Variants in NUP98 observed in about 807,000 individuals in gnomAD.
The protein encoded by NUP98 is nuclear pore complex protein Nup98-Nup96.
A neutral mutation model predicts 191.9 loss-of-function variants in NUP98; 26 were observed. The ratio of observed to expected loss-of-function variants is 0.14; its 90% confidence interval spans 0.10 to 0.19. The LOEUF (loss-of-function observed/expected upper bound fraction) is 0.19, where lower values mean the gene tolerates loss of function less well. Ranked by LOEUF, NUP98 falls within the 10% of genes least tolerant of loss-of-function variation. NUP98 has a pLI of 1.00. For missense variants in NUP98, 1,941 were observed against 2,178.8 expected (o/e 0.89, Z 2.17); for synonymous variants, 808 against 778.4 (o/e 1.04, Z -0.63).
Position 3,702,759 on chromosome 11 carries a change from T to G in NUP98, c.3216A>C (p.Pro1072=), listed in dbSNP as rs775462805. The G allele has an allele frequency of 1.2e-6, 2 of 1,613,772 alleles. No individual in the cohort carries two copies. The highest frequency in any genetic ancestry group is 2.2e-5 in the South Asian group (2 of 91,054). The change falls in exon 23 of 33, where the codon CCA becomes CCC. Residue 1072 remains proline, a synonymous_variant. Transcript: ENST00000324932. Reference sequence around the variant, plus strand: ...GCATTGTGAACACAGAAGTCAGGGGTGGAGGGACAGACCAAGAGGATGTGG... The same window carrying G: ...GCATTGTGAACACAGAAGTCAGGGGGGGAGGGACAGACCAAGAGGATGTGG... The part of the protein sequence containing the change: ...IPSTSSWSVP[P]PLTSVFTMPS...
Position 3,702,520 on chromosome 11 carries a change from T to C in NUP98, c.3455A>G (p.His1152Arg). 1 of 1,614,084 alleles carries C rather than the reference T, an allele frequency of 6.2e-7. No homozygotes were observed. The highest frequency in any genetic ancestry group is 8.5e-7 in the Non-Finnish European group (1 of 1,180,010). Residue 1152 changes from histidine (H) to arginine (R), a missense_variant, in exon 23 of 33, where the codon CAT (histidine) becomes CGT (arginine). Transcript: ENST00000324932. Reference sequence around the variant, plus strand: ...AAACTCCATGGAATCGGCAATCTGATGATTTTCTAGTTCATGAGAGCCATT... The same window carrying C: ...AAACTCCATGGAATCGGCAATCTGACGATTTTCTAGTTCATGAGAGCCATT... ...QLNGSHELENHQIADSMEFGF... is the reference protein window; with the variant it reads ...QLNGSHELENRQIADSMEFGF...
chr11:3,791,338 G>A (rs553825452), intron 1 of NUP98, among the ~76,000 whole-genome samples: 30 of 151,210 alleles, frequency 2.0e-4, no homozygotes, highest in African/African-American at 4.6e-4. Flanking sequence ...TTCAAAACCA[G>A]CCTGGCCAAC....
At chr11:3,683,615 G>A (rs1221056582) in intron 29 of NUP98, among the ~76,000 whole-genome samples, 174 bp from the exon 30 acceptor site, 6 of 151,740 alleles carry the variant, frequency 4.0e-5, no homozygotes, top group South Asian at 2.1e-4. Flanking sequence ...CTTGGCTCAC[G>A]GCAAATTCCA....
chr11:3,695,343 G>C (rs1026856539), intron 26 of NUP98, 106 bp downstream of exon 26: 80 of 1,027,066 alleles, frequency 7.8e-5, no homozygotes, highest in Non-Finnish European at 9.0e-5. Flanking sequence ...AAAACATTTT[G>C]TGTAACTGTG....
Position 3,779,150 on chromosome 11 carries a change from C to T in NUP98, c.178+6G>A, listed in dbSNP as rs1489780880. 5 of 1,613,622 alleles carry T rather than the reference C, an allele frequency of 3.1e-6. No individual in the cohort carries two copies. In the Admixed American group the frequency reaches 6.7e-5, roughly 22 times the overall value. ...AAACCAGTTATATCACAAATAAAGCCCCTACCTGGTTTAGTCTGTGAATTT... is the reference window on the plus strand; with the variant it reads ...AAACCAGTTATATCACAAATAAAGCTCCTACCTGGTTTAGTCTGTGAATTT... On this transcript the variant is annotated splice_donor_region_variant and intron_variant, in intron 3 of 32. Coordinates refer to ENST00000324932, the MANE Select transcript of NUP98 (RefSeq NM_016320.5).
intron 13 of NUP98, among the ~76,000 whole-genome samples, chr11:3,732,924 TC>T (rs2079898961): frequency 6.6e-6 from 1 of 152,208 alleles, no homozygotes; most frequent in African/African-American, 2.4e-5. Flanking sequence ...TGACCTAGAC[TC>T]GCCAAGCCCT....
chr11:3,769,679 C>T (rs976232379), intron 7 of NUP98, among the ~76,000 whole-genome samples: 7 of 151,428 alleles, frequency 4.6e-5, no homozygotes, highest in African/African-American at 1.2e-4. Flanking sequence ...GAGGCTGAGA[C>T]GGGTGATCAC....
chr11:3,742,625 G>A (rs1202427759), intron 12 of NUP98, among the ~76,000 whole-genome samples: 1 of 151,078 alleles, frequency 6.6e-6, no homozygotes, highest in Non-Finnish European at 1.5e-5. Flanking sequence ...CTTGAACCTG[G>A]GAGGCAGAGG....
intron 12 of NUP98, among the ~76,000 whole-genome samples, chr11:3,740,952 G>A (rs950337536): frequency 1.3e-5 from 2 of 151,838 alleles, no homozygotes; most frequent in African/African-American, 4.8e-5. Context: ...CAGAGTAGCT[G>A]GGATTACAGG....
rs969302642 is a variant in NUP98, at chr11:3,697,733, T to C, written c.4009+1349A>G. Among the ~76,000 whole-genome samples the C allele has an allele frequency of 2.7e-5, 4 of 148,272 alleles. No individual in the cohort carries two copies. In the Admixed American group the frequency reaches 2.7e-4, roughly 10 times the overall value. On this transcript the variant is annotated intron_variant, in intron 25 of 32. Transcript: ENST00000324932. ...CAGGAGGCTGAGGCAGGAGAATCGC[T>C]TGAACCCAGGAAGTAAAGGTTGCAG...
At chr11:3,692,860 A>G (rs2078362896) in intron 27 of NUP98, among the ~76,000 whole-genome samples, 1 of 152,238 alleles carries the variant, frequency 6.6e-6, no homozygotes, top group Non-Finnish European at 1.5e-5. Flanking sequence ...TGATGGCATA[A>G]AAGTAACAAT....
intron 4 of NUP98, 83 bp from the exon 5 acceptor site, chr11:3,776,104 T>A: frequency 2.0e-6 from 2 of 996,500 alleles, no homozygotes; most frequent in Non-Finnish European, 3.1e-6. Context: ...GCTATGGCAC[T>A]AGCATCACAG....
chr11:3,733,369 T>A (rs2079918232), intron 13 of NUP98, among the ~76,000 whole-genome samples: 1 of 152,226 alleles, frequency 6.6e-6, no homozygotes, highest in Non-Finnish European at 1.5e-5. Flanking sequence ...TGGAGTGCAA[T>A]GGTGCGATCT....
chr11:3,760,450 G>A (rs767691373), intron 10 of NUP98, 89 bp downstream of exon 10: 135 of 1,585,710 alleles, frequency 8.5e-5, no homozygotes, highest in Non-Finnish European at 1.2e-4. Context: ...TATAGTCAGT[G>A]TAACTTTAAG....
chr11:3,705,708 T>A lies in NUP98; in HGVS notation c.2926-352A>T, dbSNP rs544208302. Among the ~76,000 whole-genome samples the A allele has an allele frequency of 4.1e-4, 62 of 152,316 alleles. 1 individual carries two copies. Among genetic ancestry groups the A allele is most frequent in the Non-Finnish European group, 4.1e-4 (28 of 68,028 alleles). On this transcript the variant is annotated intron_variant, in intron 21 of 32. Coordinates refer to ENST00000324932, the MANE Select transcript of NUP98 (RefSeq NM_016320.5). Reference sequence around the variant, plus strand: ...AGTAAAGACATAGCTTAAAGAAACCTGTGCTACTAGGTACTAAAATTTTTA... The same window carrying A: ...AGTAAAGACATAGCTTAAAGAAACCAGTGCTACTAGGTACTAAAATTTTTA...
At chr11:3,787,999 T>A (rs931875748) in intron 1 of NUP98, among the ~76,000 whole-genome samples, 12 of 151,894 alleles carry the variant, frequency 7.9e-5, no homozygotes, top group African/African-American at 2.9e-4. Flanking sequence ...TCAAAAAAAA[T>A]AAAACACTTT....
intron 2 of NUP98, 125 bp downstream of exon 2, chr11:3,781,915 TTC>T: frequency 1.8e-6 from 1 of 551,062 alleles, no homozygotes; most frequent in Non-Finnish European, 3.2e-6. Flanking sequence ...TAATTATTTT[TTC>T]AAGACGACTT....
chr11:3,787,162 A>C (rs1462324062), intron 1 of NUP98, among the ~76,000 whole-genome samples: 1 of 152,240 alleles, frequency 6.6e-6, no homozygotes, highest in African/African-American at 2.4e-5. Context: ...TTCCAGGAAG[A>C]AGAGATTCAT....
Position 3,723,327 on chromosome 11 carries a change from T to C in NUP98, c.1976A>G (p.Asn659Ser), listed in dbSNP as rs1395112259. Residue 659 changes from asparagine to serine, a missense_variant, in exon 16 of 33, where the codon AAT becomes AGT. By Grantham distance (46) the Asn-to-Ser change is conservative. Around this residue, in one of 6 missense-constraint regions of NUP98, gnomAD observed 453 missense variants for 438.2 expected, o/e 1.03. Transcript: ENST00000324932. Reference protein sequence around the residue: ...PIPQTPESAGNKHSNSNSVDD... With the variant: ...PIPQTPESAGSKHSNSNSVDD... Reference sequence around the variant, plus strand: ...CACACTGTTGCTGTTGCTGTGTTTATTTCCAGCACTTTCTGGGGTTTGAGG... The same window carrying C: ...CACACTGTTGCTGTTGCTGTGTTTACTTCCAGCACTTTCTGGGGTTTGAGG... 3 of 1,614,190 alleles carry C rather than the reference T, an allele frequency of 1.9e-6. No homozygotes were observed. The highest frequency in any genetic ancestry group is 1.3e-5 in the African/African-American group (1 of 75,072).
Sources: gnomAD v4.1 joint callset for allele counts (sites outside exome capture counted in the v4.1 genomes callset) on GRCh38, gnomAD v4.1.1 for gene constraint, gnomAD v4.1.1 regional missense constraint, MANE v1.5 for transcripts, NCBI Gene and HGNC (gene_info 2026-07-23, HGNC 2026-07-21) for gene names.